The following ROBO1 variants were observed in gnomAD, a reference collection of about 807,000 sequenced individuals.
The protein encoded by ROBO1 is roundabout homolog 1.
In ROBO1, 149 loss-of-function variants were observed where a neutral mutation model predicts 195.9. The ratio of observed to expected loss-of-function variants is 0.76; its 90% CI spans 0.67 to 0.87. The LOEUF (loss-of-function observed/expected upper bound fraction) is 0.87. ROBO1 is among the 40% of genes least tolerant of loss of function. The pLI, the probability that ROBO1 is intolerant of heterozygous loss-of-function variation, is 0.00. For missense variants in ROBO1, 1,933 were observed against 2,068.3 expected, an observed-to-expected ratio of 0.93 and a Z score of 1.27; for synonymous variants, 816 against 733.2, an observed-to-expected ratio of 1.11 and a Z score of -1.82.
chr3:78,689,658 C>T (rs569828889), intron 8 of ROBO1, among the ~76,000 whole-genome samples: 19 of 152,166 alleles, frequency 1.2e-4, no homozygotes, highest in Admixed American at 1.1e-3. Context: ...CCTAATTATT[C>T]TCCTCTCTTG....
chr3:78,658,352 G>A (rs1378513038), intron 17 of ROBO1, among the ~76,000 whole-genome samples: 1 of 152,168 alleles, frequency 6.6e-6, no homozygotes, highest in Non-Finnish European at 1.5e-5. Flanking sequence ...GTGTAGTGGT[G>A]CAATCTTGGC....
At chr3:79,753,577 T>C (rs1340530371) in intron 1 of ROBO1, among the ~76,000 whole-genome samples, 2 of 152,236 alleles carry the variant, frequency 1.3e-5, no homozygotes, top group Admixed American at 6.5e-5. Context: ...AGACATCATC[T>C]AGAAATATCT....
intron 2 of ROBO1, among the ~76,000 whole-genome samples, chr3:79,431,383 G>T (rs994187229): frequency 6.6e-6 from 1 of 152,030 alleles, no homozygotes; most frequent in African/African-American, 2.4e-5. Context: ...CGTGCAAGTG[G>T]TCCCCCAAGT....
intron 3 of ROBO1, among the ~76,000 whole-genome samples, chr3:78,941,457 A>G (rs6548601): frequency 0.44 from 66,527 of 152,052 alleles, 16,686 homozygotes; most frequent in African/African-American, 0.7. Flanking sequence ...AAAGGTGGAT[A>G]CTAAGGAGGA....
chr3:79,627,675 C>A (rs1295754204), intron 1 of ROBO1, among the ~76,000 whole-genome samples: 1 of 152,224 alleles, frequency 6.6e-6, no homozygotes, highest in East Asian at 1.9e-4. Context: ...TAAAACACTT[C>A]TGCACAGCAA....
intron 2 of ROBO1, among the ~76,000 whole-genome samples, chr3:79,374,633 T>C (rs1267328069): frequency 6.6e-6 from 1 of 152,196 alleles, no homozygotes; most frequent in African/African-American, 2.4e-5. Context: ...AAAGGATTAG[T>C]TGCCATATAA....
chr3:79,215,707 T>G (rs545151101), intron 2 of ROBO1, among the ~76,000 whole-genome samples: 1 of 152,330 alleles, frequency 6.6e-6, no homozygotes, highest in South Asian at 2.1e-4. Context: ...GGTGTATGAT[T>G]ACTGTATGTA....
intron 2 of ROBO1, among the ~76,000 whole-genome samples, chr3:79,244,462 G>A (rs1158529233): frequency 1.3e-5 from 2 of 152,008 alleles, no homozygotes; most frequent in African/African-American, 4.8e-5. Flanking sequence ...TTAAAATATT[G>A]TCTTTTGAAA....
At chr3:79,440,251 A>G (rs2039009805) in intron 2 of ROBO1, among the ~76,000 whole-genome samples, 1 of 152,090 alleles carries the variant, frequency 6.6e-6, no homozygotes, top group Non-Finnish European at 1.5e-5. Context: ...AAAGTATGTC[A>G]TGAAAAGGTT....
chr3:79,575,208 C>CAA lies in ROBO1; in HGVS notation c.88+14615_88+14616insTT, dbSNP rs1307991511. Among the ~76,000 whole-genome samples the CAA allele has an allele frequency of 7.4e-3, 392 of 53,258 alleles. 13 individuals carry two copies. The highest frequency in any genetic ancestry group is 0.038 in the African/African-American group (370 of 9,676). 34.9% of individuals were successfully genotyped at this position (53,258 alleles called of 152,430 possible). A position where few individuals can be genotyped will look rare whatever the true frequency, so the allele number is the denominator to read the frequency against. ...AACATATATATAAATATATATATAA[C>CAA]AGATATATATATATAACAAATATAT... On this transcript the variant is annotated intron_variant, in intron 2 of 30. Transcript: ENST00000464233.
At chr3:78,808,062 T>C (rs1264525293) in intron 4 of ROBO1, among the ~76,000 whole-genome samples, 5 of 152,122 alleles carry the variant, frequency 3.3e-5, no homozygotes, top group African/African-American at 4.8e-5. Context: ...TAAGTAAAAT[T>C]AGGTTAAAAT....
intron 2 of ROBO1, among the ~76,000 whole-genome samples, chr3:79,201,468 T>C (rs906615036): frequency 3.9e-5 from 6 of 152,030 alleles, no homozygotes; most frequent in African/African-American, 1.4e-4. Context: ...AACAATTCTA[T>C]GGGGAAGGTA....
chr3:79,433,124 A>G (rs1327725480), intron 2 of ROBO1, among the ~76,000 whole-genome samples: 1 of 152,184 alleles, frequency 6.6e-6, no homozygotes, highest in East Asian at 1.9e-4. Flanking sequence ...CCCATCACCT[A>G]GGTATTAAGG....
At chr3:78,664,930 CA>C (rs1003527911) in intron 14 of ROBO1, among the ~76,000 whole-genome samples, 1 of 152,166 alleles carries the variant, frequency 6.6e-6, no homozygotes, top group African/African-American at 2.4e-5. Context: ...ATATGTGCCT[CA>C]ATTTTACTTC....
At chr3:78,673,585 TATA>T (rs1708216177) in intron 10 of ROBO1, among the ~76,000 whole-genome samples, 1 of 75,468 alleles carries the variant, frequency 1.3e-5, no homozygotes, top group Non-Finnish European at 2.7e-5. Flanking sequence ...TATATATATA[TATA>T]TATATATATA....
chr3:79,486,472 ACTTG>A (rs1450592153), intron 2 of ROBO1, among the ~76,000 whole-genome samples: 2 of 152,096 alleles, frequency 1.3e-5, no homozygotes, highest in Non-Finnish European at 2.9e-5. Context: ...TATTGTAGTT[ACTTG>A]CTTATTTTCT....
chr3:79,600,334 A>C (rs1944302770), intron 1 of ROBO1, among the ~76,000 whole-genome samples: 1 of 151,982 alleles, frequency 6.6e-6, no homozygotes, highest in African/African-American at 2.4e-5. Flanking sequence ...AGAATAAAAA[A>C]CGCTTGAACA....
At chr3:79,657,634 T>G (rs1946207198) in intron 1 of ROBO1, among the ~76,000 whole-genome samples, 2 of 152,124 alleles carry the variant, frequency 1.3e-5, no homozygotes, top group South Asian at 4.1e-4. Flanking sequence ...TGTGAATATT[T>G]ATTATATGTA....
intron 3 of ROBO1, among the ~76,000 whole-genome samples, chr3:79,068,198 G>C (rs2079033403): frequency 6.6e-6 from 1 of 151,892 alleles, no homozygotes; most frequent in South Asian, 2.1e-4. Context: ...TAATCTTGGA[G>C]ACTGGCTAAC....
Sources: gnomAD v4.1 joint callset for allele counts (sites outside exome capture counted in the v4.1 genomes callset) on GRCh38, gnomAD v4.1.1 for gene constraint, MANE v1.5 for transcripts, NCBI Gene and HGNC (gene_info 2026-07-23, HGNC 2026-07-21) for gene names.